The following SMOC2 variants were observed in gnomAD, a reference collection of about 807,000 sequenced individuals.
SMOC2 encodes the protein SPARC related modular calcium binding 2.
SMOC2 carries 39 observed loss-of-function variants against 61.4 expected under a neutral mutation model. The observed-to-expected ratio is 0.64, with a 90% CI of 0.49 to 0.83. The LOEUF is 0.83. Ranked by LOEUF, SMOC2 falls within the 40% of genes least tolerant of loss-of-function variation. SMOC2 has a pLI of 0.00. For synonymous variants in SMOC2, 247 were observed against 239.9 expected, an observed-to-expected ratio of 1.03 and a Z score of -0.27; for missense variants, 556 against 592.9, an observed-to-expected ratio of 0.94 and a Z score of 0.65.
intron 8 of SMOC2, among the ~76,000 whole-genome samples, chr6:168,603,726 C>A (rs1374804728): frequency 1.7e-5 from 1 of 58,412 alleles, no homozygotes; most frequent in Non-Finnish European, 4.7e-5. Context: ...AAAAAAAAAC[C>A]AGTAATCCAC....
chr6:168,493,871 A>G lies in SMOC2; in HGVS notation c.85-16044A>G, dbSNP rs147543273. On this transcript the variant is annotated intron_variant, in intron 1 of 12. Coordinates refer to ENST00000356284, the MANE Select transcript of SMOC2 (RefSeq NM_001166412.2). ...GTTTTTAACTGTCTTTATCTTTTCT[A>G]TTTTAATTGGTTCTTGCTATTCAGT... 4.3e-4 allele frequency among the ~76,000 whole-genome samples: 65 copies of G among 152,248 alleles called. No individual in the cohort carries two copies. In the South Asian group the frequency reaches 7.3e-3, roughly 17 times the overall value.
At chr6:168,477,632 T>C (rs557417397) in intron 1 of SMOC2, among the ~76,000 whole-genome samples, 4 of 152,020 alleles carry the variant, frequency 2.6e-5, no homozygotes, top group African/African-American at 9.7e-5. Context: ...TGAAGCAGGG[T>C]TGTTTCTTAT....
chr6:168,466,244 T>G (rs1781829870), intron 1 of SMOC2, among the ~76,000 whole-genome samples: 1 of 150,928 alleles, frequency 6.6e-6, no homozygotes, highest in South Asian at 2.1e-4. Context: ...ACTGGGGTGC[T>G]CTGGATGAAG....
At chr6:168,567,752 G>C (rs1237826056) in intron 7 of SMOC2, among the ~76,000 whole-genome samples, 1 of 152,212 alleles carries the variant, frequency 6.6e-6, no homozygotes, top group Non-Finnish European at 1.5e-5. Flanking sequence ...GGAGCCACAG[G>C]CGAAGACCAG....
At chr6:168,487,423 A>G (rs1191686411) in intron 1 of SMOC2, among the ~76,000 whole-genome samples, 2 of 152,226 alleles carry the variant, frequency 1.3e-5, no homozygotes, top group African/African-American at 2.4e-5. Context: ...TATATGGTGC[A>G]TTTTAGTATT....
chr6:168,499,110 C>A (rs966364638), intron 1 of SMOC2, among the ~76,000 whole-genome samples: 4 of 147,614 alleles, frequency 2.7e-5, no homozygotes, highest in Admixed American at 2.0e-4. Flanking sequence ...CCCAGCCCTA[C>A]GAGCCACAGT....
At chr6:168,463,309 T>C (rs921941687) in intron 1 of SMOC2, among the ~76,000 whole-genome samples, 1 of 152,192 alleles carries the variant, frequency 6.6e-6, no homozygotes, top group Non-Finnish European at 1.5e-5. Flanking sequence ...ATCAAGGCGT[T>C]AGAAGATGAT....
intron 1 of SMOC2, among the ~76,000 whole-genome samples, chr6:168,505,133 G>A (rs957646532): frequency 1.3e-5 from 2 of 150,154 alleles, no homozygotes; most frequent in African/African-American, 4.8e-5. Flanking sequence ...ATGAATGACT[G>A]AATGAAATGT....
At chr6:168,526,511 C>T (rs184305377) in intron 3 of SMOC2, 59 bp downstream of exon 3, 62 of 1,450,266 alleles carry the variant, frequency 4.3e-5, no homozygotes, top group South Asian at 1.1e-4. Flanking sequence ...AGATGTGGAG[C>T]GGGTGTGGGG....
intron 7 of SMOC2, among the ~76,000 whole-genome samples, chr6:168,589,341 C>A (rs931738824): frequency 6.6e-6 from 1 of 152,240 alleles, no homozygotes; most frequent in African/African-American, 2.4e-5. Flanking sequence ...GTTCCCAGAG[C>A]AGACTGGATG....
Position 168,499,640 on chromosome 6 carries a change from A to C in SMOC2, c.85-10275A>C, listed in dbSNP as rs368909758. 5.3e-5 allele frequency among the ~76,000 whole-genome samples: 8 copies of C among 152,350 alleles called. 1 individual carries two copies. The East Asian group carries it at 1.4e-3, about 26-fold the overall frequency. ...AGTTTTAATTGTCTTCTACGTGTGAAGGAAATAAGTTTATGTATTTCCAGT... is the reference window on the plus strand; with the variant it reads ...AGTTTTAATTGTCTTCTACGTGTGACGGAAATAAGTTTATGTATTTCCAGT... On this transcript the variant is annotated intron_variant, in intron 1 of 12. Coordinates refer to ENST00000356284, the MANE Select transcript of SMOC2 (RefSeq NM_001166412.2).
intron 9 of SMOC2, among the ~76,000 whole-genome samples, chr6:168,625,183 T>C (rs1201727568): frequency 6.6e-6 from 1 of 152,212 alleles, no homozygotes; most frequent in Admixed American, 6.5e-5. Flanking sequence ...CTAGGGCATG[T>C]GGGGCACGTG....
At chr6:168,495,591 G>A (rs1031496945) in intron 1 of SMOC2, among the ~76,000 whole-genome samples, 2 of 152,166 alleles carry the variant, frequency 1.3e-5, no homozygotes, top group African/African-American at 4.8e-5. Flanking sequence ...GGAAGCGTTT[G>A]GTGAAACTTT....
chr6:168,578,713 G>A (rs905495359), intron 7 of SMOC2, among the ~76,000 whole-genome samples: 1 of 152,222 alleles, frequency 6.6e-6, no homozygotes, highest in East Asian at 1.9e-4. Flanking sequence ...AAGACCTAAC[G>A]TAGCAGCTTT....
intron 9 of SMOC2, among the ~76,000 whole-genome samples, chr6:168,617,016 C>T (rs1786112453): frequency 6.6e-6 from 1 of 152,166 alleles, no homozygotes; most frequent in South Asian, 2.1e-4. Flanking sequence ...ACAGGATGCA[C>T]CCTGCAGAGG....
Position 168,452,633 on chromosome 6 carries a change from C to T in SMOC2, c.84+11179C>T, listed in dbSNP as rs1165903922. On this transcript the variant is annotated intron_variant, in intron 1 of 12. Coordinates refer to ENST00000356284, the MANE Select transcript of SMOC2 (RefSeq NM_001166412.2). The surrounding 1 kb of genome is among the most constrained non-coding windows in gnomAD (Gnocchi z 5.0). ...TTTCTGTGCTCAGATATTCAAAACA[C>T]CACTTGCATTTTTTTGTACCCCAAA... is the stretch of plus-strand genomic sequence containing the variant. Among the ~76,000 whole-genome samples, 4 of 152,218 alleles carry T rather than the reference C, an allele frequency of 2.6e-5. No individual in the cohort carries two copies. Among genetic ancestry groups the T allele is most frequent in the Non-Finnish European group, 4.4e-5 (3 of 68,040 alleles).
At chr6:168,615,079 G>GGCACAGGGCCTCTTTACATCTACAGCCA (rs1562383744) in intron 9 of SMOC2, among the ~76,000 whole-genome samples, 3 of 54,944 alleles carry the variant, frequency 5.5e-5, no homozygotes, top group African/African-American at 7.9e-5. Flanking sequence ...ACTTACAGCC[G>GGCACAGGGCCTCTTTACATCTACAGCCA]GCACAGGGCC....
At chr6:168,563,946 C>T (rs575145299) in intron 7 of SMOC2, among the ~76,000 whole-genome samples, 2 of 152,174 alleles carry the variant, frequency 1.3e-5, no homozygotes, top group Admixed American at 1.3e-4. Flanking sequence ...CCTGCCTCAT[C>T]TCACCTCTAG....
At position 168,441,217 on chromosome 6, in the gene SMOC2, C is replaced by A; in HGVS notation, c.-154C>A. 8.3e-7 allele frequency: 1 copy of A among 1,205,304 alleles called. No homozygotes were observed. The highest frequency in any genetic ancestry group is 1.6e-5 in the African/African-American group (1 of 61,700). The allele number at this position is 1,205,304 out of a possible 1,614,324, so 74.7% of individuals were successfully genotyped here. ...GGACCTCTGGGTGCCTGCAGGGGAG[C>A]TGCTCCAGCCGGGCCGCCGGGAGCG... On this transcript the variant is annotated 5_prime_UTR_variant, in exon 1 of 13. It adds an upstream start codon to the 5' untranslated region. Coordinates refer to ENST00000356284, the MANE Select transcript of SMOC2 (RefSeq NM_001166412.2).
Sources: gnomAD v4.1 joint callset for allele counts (sites outside exome capture counted in the v4.1 genomes callset) on GRCh38, gnomAD v4.1.1 for gene constraint, Gnocchi (gnomAD v3.1) non-coding constraint, MANE v1.5 for transcripts, NCBI Gene and HGNC (gene_info 2026-07-23, HGNC 2026-07-21) for gene names.